KCNC1: variants seen among roughly 807,000 people sequenced by gnomAD.
The protein encoded by KCNC1 is voltage-gated potassium channel KCNC1.
A neutral mutation model predicts 43.4 loss-of-function variants in KCNC1; 8 were observed. The ratio of observed to expected loss-of-function variants is 0.18; its 90% CI spans 0.11 to 0.33. The LOEUF (loss-of-function observed/expected upper bound fraction) is 0.33. KCNC1 is among the 10% of genes least tolerant of loss of function. KCNC1 has a pLI of 1.00. For missense variants in KCNC1, 420 were observed against 836.0 expected (o/e 0.50, Z 6.14); for synonymous variants, 361 against 360.5 (o/e 1.00, Z -0.01).
At position 17,773,527 on chromosome 11, in the gene KCNC1, TACA is replaced by T; in HGVS notation, c.1504+932_1504+934del. On this transcript the variant is annotated intron_variant, in intron 2 of 3. Coordinates refer to ENST00000265969, the MANE Select transcript of KCNC1 (RefSeq NM_001112741.2). This position sits in a 1 kb window ranked among gnomAD's most constrained non-coding sequence, Gnocchi z 4.1. ...AGCAATATAGACATCCCAACCAGTG[TACA>T]ACCACTTTCCCGTGAATTCACTGGG... 1.0e-6 allele frequency: 1 copy of T among 978,578 alleles called. No homozygotes were observed. The allele number at this position is 978,578 out of a possible 1,614,324, so 60.6% of individuals were successfully genotyped here. A position where few individuals can be genotyped will look rare whatever the true frequency, so the allele number is the denominator to read the frequency against.
chr11:17,778,627 T>C lies in KCNC1; in HGVS notation c.1505-829T>C, dbSNP rs932625035. 1.8e-4 allele frequency among the ~76,000 whole-genome samples: 27 copies of C among 152,040 alleles called. 1 individual carries two copies. Among genetic ancestry groups the C allele is most frequent in the Non-Finnish European group, 3.7e-4 (25 of 68,004 alleles). On this transcript the variant is annotated intron_variant, in intron 2 of 3. Coordinates refer to ENST00000265969, the MANE Select transcript of KCNC1 (RefSeq NM_001112741.2). ...TGAGTGATCAGCTTGGGTCCGTCCA[T>C]GTGGGGGACGGAGCAGATGGAGTGG... is the stretch of plus-strand genomic sequence containing the variant.
chr11:17,781,299 GC>G lies in KCNC1; in HGVS notation c.1694-369del. 9.1e-6 allele frequency: 2 copies of G among 220,818 alleles called. No homozygotes were observed. The highest frequency in any genetic ancestry group is 1.8e-5 in the Non-Finnish European group (2 of 112,196). 13.7% of individuals were successfully genotyped at this position (220,818 alleles called of 1,614,324 possible). ...TCCTCAGTCCCACCGAGGCTTAGGT[GC>G]CAGAGTCTTTGGGAGGCGCTAAGGG... On this transcript the variant is annotated intron_variant, in intron 3 of 3. Coordinates refer to ENST00000265969, the MANE Select transcript of KCNC1 (RefSeq NM_001112741.2). The surrounding 1 kb of genome is among the most constrained non-coding windows in gnomAD (Gnocchi z 5.1).
Position 17,779,567 on chromosome 11 carries a change from C to T in KCNC1, c.1616C>T (p.Thr539Ile). Residue 539 changes from threonine (T) to isoleucine (I), a missense_variant, in exon 3 of 4, where the codon ACC (threonine) becomes ATC (isoleucine). Physicochemically the swap from Thr to Ile is moderately conservative, Grantham distance 89. Coordinates refer to ENST00000265969, the MANE Select transcript of KCNC1 (RefSeq NM_001112741.2). This position sits in a 1 kb window ranked among gnomAD's most constrained non-coding sequence, Gnocchi z 7.2. ...DEGLPFTRSG[T>I]RERYGPCFLL... ...GGCCTGCCCTTTACGCGCTCGGGCACCCGCGAGAGATACGGACCCTGCTTC... is the reference window on the plus strand; with the variant it reads ...GGCCTGCCCTTTACGCGCTCGGGCATCCGCGAGAGATACGGACCCTGCTTC... The T allele has an allele frequency of 1.3e-6, 2 of 1,551,580 alleles. No homozygotes were observed. Among genetic ancestry groups the T allele is most frequent in the Non-Finnish European group, 1.7e-6 (2 of 1,146,966 alleles).
intron 2 of KCNC1, among the ~76,000 whole-genome samples, chr11:17,778,555 A>G (rs547691742): frequency 8.5e-5 from 13 of 152,364 alleles, no homozygotes; most frequent in African/African-American, 2.9e-4. Flanking sequence ...TGGGGACAGC[A>G]TGGAGTGGAA....
intron 1 of KCNC1, among the ~76,000 whole-genome samples, chr11:17,737,929 G>A (rs1180957055): frequency 9.6e-6 from 1 of 104,686 alleles, no homozygotes; most frequent in African/African-American, 4.2e-5. Context: ...AAGTGCCCAT[G>A]GGCAAAGAAA....
intron 1 of KCNC1, among the ~76,000 whole-genome samples, chr11:17,754,890 C>T (rs1849006889): frequency 6.6e-6 from 1 of 152,234 alleles, no homozygotes; most frequent in Admixed American, 6.5e-5. Context: ...GATTTTCTCG[C>T]ACATCTTAAC....
At chr11:17,738,113 A>T (rs928015351) in intron 1 of KCNC1, among the ~76,000 whole-genome samples, 1 of 152,096 alleles carries the variant, frequency 6.6e-6, no homozygotes, top group African/African-American at 2.4e-5. Context: ...TTTGCCACTG[A>T]GGACCCTCCC....
rs1022252049 is a variant in KCNC1 at position 17,781,862 on chromosome 11, A to G, written c.*128A>G. ...CCGGACGAGTCCGAGTGGCCCAGGC[A>G]TTGTACTAGGACGGACGTAGCTTTT... On this transcript the variant is annotated 3_prime_UTR_variant, in exon 4 of 4. Transcript: ENST00000265969. The surrounding 1 kb of genome is among the most constrained non-coding windows in gnomAD (Gnocchi z 5.1). 1.2e-5 allele frequency: 8 copies of G among 666,182 alleles called. No individual in the cohort carries two copies. The highest frequency in any genetic ancestry group is 3.7e-5 in the South Asian group (2 of 54,208). The allele number at this position is 666,182 out of a possible 1,614,324, so 41.3% of individuals were successfully genotyped here.
chr11:17,775,051 A>G, intron 2 of KCNC1: 2 of 985,414 alleles, frequency 2.0e-6, no homozygotes, highest in Non-Finnish European at 2.4e-6. Context: ...CTAGATGGGC[A>G]TAGGGTTGGG....
intron 1 of KCNC1, among the ~76,000 whole-genome samples, chr11:17,737,369 G>A (rs1453818561): frequency 2.0e-5 from 3 of 152,048 alleles, no homozygotes; most frequent in African/African-American, 7.3e-5. Context: ...CGGTCCTTAA[G>A]GGTCCTTAAG....
At position 17,781,500 on chromosome 11, in the gene KCNC1, G is replaced by A. The variant is rs915523313; in HGVS notation, c.1694-170G>A. The A allele has an allele frequency of 8.3e-6, 5 of 599,040 alleles. No individual in the cohort carries two copies. The highest frequency in any genetic ancestry group is 2.1e-5 in the South Asian group (1 of 47,534). The allele number at this position is 599,040 out of a possible 1,614,324, so 37.1% of individuals were successfully genotyped here. A position where few individuals can be genotyped will look rare whatever the true frequency, so the allele number is the denominator to read the frequency against. ...TCCCCCAGGAGGGAGAGAAAGAGGC[G>A]TGCTAGGCTGGCTCAGTGCATGGGC... On this transcript the variant is annotated intron_variant, in intron 3 of 3. Coordinates refer to ENST00000265969, the MANE Select transcript of KCNC1 (RefSeq NM_001112741.2). This position sits in a 1 kb window ranked among gnomAD's most constrained non-coding sequence, Gnocchi z 5.1.
rs1415360464 is a variant in KCNC1 at position 17,773,587 on chromosome 11, T to C, written c.1504+989T>C. On this transcript the variant is annotated intron_variant, in intron 2 of 3. Transcript: ENST00000265969. The surrounding 1 kb of genome is among the most constrained non-coding windows in gnomAD (Gnocchi z 4.1). ...GAGGGGGGAGGGGGGCATGAAACAA[T>C]ACTAGTCACCGTGGGATATATTCTA... The C allele has an allele frequency of 4.1e-6, 4 of 984,804 alleles. No individual in the cohort carries two copies. The highest frequency in any genetic ancestry group is 1.8e-5 in the African/African-American group (1 of 57,102). 61.0% of individuals were successfully genotyped at this position (984,804 alleles called of 1,614,324 possible). A position where few individuals can be genotyped will look rare whatever the true frequency, so the allele number is the denominator to read the frequency against.
At chr11:17,745,044 G>A (rs1387327943) in intron 1 of KCNC1, among the ~76,000 whole-genome samples, 22 of 152,068 alleles carry the variant, frequency 1.4e-4, no homozygotes, top group Admixed American at 9.8e-4. Context: ...TTTGTTAGAC[G>A]TGAAGCCTTT....
chr11:17,768,273 G>A (rs1849177118), intron 1 of KCNC1, among the ~76,000 whole-genome samples: 1 of 152,182 alleles, frequency 6.6e-6, no homozygotes, highest in Non-Finnish European at 1.5e-5. Context: ...ACAGAGACTG[G>A]CAGGAGCACT....
rs1848855505 is a variant in KCNC1 at position 17,742,594 on chromosome 11, G to C, written c.570+6022G>C. 6.6e-6 allele frequency among the ~76,000 whole-genome samples: 1 copy of C among 152,240 alleles called. No individual in the cohort carries two copies. The highest frequency in any genetic ancestry group is 1.5e-5 in the Non-Finnish European group (1 of 68,040). On this transcript the variant is annotated intron_variant, in intron 1 of 3. Transcript: ENST00000265969. The surrounding 1 kb of genome is among the most constrained non-coding windows in gnomAD (Gnocchi z 4.2). ...AAGGAGGGCCTGACAGGCTGCAGGG[G>C]TGCTTTGCTCTTCAGTCCTTATTCA...
Position 17,776,646 on chromosome 11 carries a change from C to G in KCNC1, c.1505-2810C>G. ...GCAGGCCTGTGGGTCTAGTGGGGGC[C>G]TGGGGGCCCTGGGCTGGGGGAGGCA... is the stretch of plus-strand genomic sequence containing the variant. On this transcript the variant is annotated intron_variant, in intron 2 of 3. Coordinates refer to ENST00000265969, the MANE Select transcript of KCNC1 (RefSeq NM_001112741.2). The surrounding 1 kb of genome is among the most constrained non-coding windows in gnomAD (Gnocchi z 4.4). 1.0e-6 allele frequency: 1 copy of G among 985,278 alleles called. No homozygotes were observed. Among genetic ancestry groups the G allele is most frequent in the South Asian group, 4.7e-5 (1 of 21,284 alleles). The allele number at this position is 985,278 out of a possible 1,614,324, so 61.0% of individuals were successfully genotyped here.
At chr11:17,745,996 T>C (rs1425442939) in intron 1 of KCNC1, among the ~76,000 whole-genome samples, 1 of 152,196 alleles carries the variant, frequency 6.6e-6, no homozygotes, top group African/African-American at 2.4e-5. Flanking sequence ...TTCCAATTGC[T>C]CTGTCTCTAG....
Position 17,781,476 on chromosome 11 carries a change from C to A in KCNC1, c.1694-194C>A. The stretch of plus-strand genomic sequence containing the variant: ...AGCAGAAGTAGGGACTCATCCCATT[C>A]CCCCAGGAGGGAGAGAAAGAGGCGT... On this transcript the variant is annotated intron_variant, in intron 3 of 3. Coordinates refer to ENST00000265969, the MANE Select transcript of KCNC1 (RefSeq NM_001112741.2). This position sits in a 1 kb window ranked among gnomAD's most constrained non-coding sequence, Gnocchi z 5.1. 3.5e-6 allele frequency: 2 copies of A among 572,716 alleles called. No individual in the cohort carries two copies. Among genetic ancestry groups the A allele is most frequent in the South Asian group, 2.3e-5 (1 of 43,132 alleles). The allele number at this position is 572,716 out of a possible 1,614,324, so 35.5% of individuals were successfully genotyped here. A position where few individuals can be genotyped will look rare whatever the true frequency, so the allele number is the denominator to read the frequency against.
At chr11:17,763,899 A>C in intron 1 of KCNC1, among the ~76,000 whole-genome samples, 1 of 67,310 alleles carries the variant, frequency 1.5e-5, no homozygotes, top group East Asian at 2.3e-3. Context: ...ACACCCACAC[A>C]CAAACCCCAC....
Sources: allele counts gnomAD v4.1 joint callset (sites outside exome capture counted in the v4.1 genomes callset), GRCh38; gene constraint gnomAD v4.1.1; non-coding constraint Gnocchi (gnomAD v3.1); transcripts MANE v1.5; gene names NCBI Gene and HGNC (gene_info 2026-07-23, HGNC 2026-07-21).